The following GLG1 variants were observed in gnomAD, a reference collection of about 807,000 sequenced individuals.
The protein encoded by GLG1 is Golgi apparatus protein 1.
GLG1 carries 38 observed loss-of-function variants against 160.5 expected under a neutral mutation model. That is an observed-to-expected ratio of 0.24 (90% CI 0.18 to 0.31). GLG1 has a LOEUF of 0.31. Among genes scored for constraint, GLG1 ranks in the 10% least tolerant of loss-of-function variants. GLG1 has a pLI of 1.00. For synonymous variants in GLG1, 644 were observed against 543.4 expected, an observed-to-expected ratio of 1.19 and a Z score of -2.57; for missense variants, 1,373 against 1,505.2, an observed-to-expected ratio of 0.91 and a Z score of 1.45.
chr16:74,592,990 G>A (rs950722650), intron 1 of GLG1, among the ~76,000 whole-genome samples: 1 of 152,090 alleles, frequency 6.6e-6, no homozygotes, highest in African/African-American at 2.4e-5. Flanking sequence ...GTGGGGTTCT[G>A]ATAAAAGGAT....
intron 1 of GLG1, among the ~76,000 whole-genome samples, chr16:74,567,805 T>C (rs1165276253): frequency 6.6e-6 from 1 of 151,408 alleles, no homozygotes; most frequent in East Asian, 1.9e-4. Context: ...CCTGACCTCA[T>C]GATCCACCCG....
rs921452627 is a variant in GLG1, at chr16:74,452,739, C to CATA, written c.*425_*427dup. ...TTGTTTTACACAGTCATATGAAAGACATAACCCCATTGCCCAAATCAAGCC... is the reference window on the plus strand; with the variant it reads ...TTGTTTTACACAGTCATATGAAAGACATAATAACCCCATTGCCCAAATCAAGCC... On this transcript the variant is annotated 3_prime_UTR_variant, in exon 26 of 26. Transcript: ENST00000422840. 3.4e-5 allele frequency: 34 copies of CATA among 992,962 alleles called. No homozygotes were observed. The African/African-American group carries it at 5.7e-4, about 17-fold the overall frequency. 61.5% of individuals were successfully genotyped at this position (992,962 alleles called of 1,614,324 possible).
chr16:74,523,875 G>T (rs1202182809), intron 2 of GLG1, among the ~76,000 whole-genome samples: 1 of 151,974 alleles, frequency 6.6e-6, no homozygotes, highest in East Asian at 1.9e-4. Flanking sequence ...TACCTCATCT[G>T]TAAATAATGA....
At chr16:74,460,733 G>A (rs1002829994) in intron 22 of GLG1, among the ~76,000 whole-genome samples, 5 of 152,206 alleles carry the variant, frequency 3.3e-5, no homozygotes, top group African/African-American at 1.2e-4. Flanking sequence ...CACACAGAGT[G>A]GAAAATCAAT....
At chr16:74,549,013 A>G (rs1597336048) in intron 1 of GLG1, among the ~76,000 whole-genome samples, 2 of 152,138 alleles carry the variant, frequency 1.3e-5, no homozygotes, top group East Asian at 3.9e-4. Context: ...TAATAGTAAT[A>G]CCAAACAACA....
chr16:74,599,631 G>A (rs373785148), intron 1 of GLG1, among the ~76,000 whole-genome samples: 55 of 152,282 alleles, frequency 3.6e-4, no homozygotes, highest in African/African-American at 9.6e-4. Flanking sequence ...TTCGGAGGCC[G>A]AGGTGGGCAG....
chr16:74,456,975 T>A (rs892168585), intron 24 of GLG1, among the ~76,000 whole-genome samples: 13 of 152,178 alleles, frequency 8.5e-5, no homozygotes, highest in African/African-American at 3.1e-4. Flanking sequence ...AAAACCTCCT[T>A]ATTTTTAGAG....
At chr16:74,547,533 G>C (rs1190468068) in intron 1 of GLG1, among the ~76,000 whole-genome samples, 1 of 152,212 alleles carries the variant, frequency 6.6e-6, no homozygotes, top group African/African-American at 2.4e-5. Flanking sequence ...ACAACTCACA[G>C]GGTAAGACTA....
chr16:74,477,872 C>G (rs971700484), intron 11 of GLG1, among the ~76,000 whole-genome samples: 7 of 151,804 alleles, frequency 4.6e-5, no homozygotes, highest in African/African-American at 1.7e-4. Flanking sequence ...ACTCGGGAGG[C>G]TGAGGCAGAA....
At chr16:74,584,570 A>T (rs1364243061) in intron 1 of GLG1, among the ~76,000 whole-genome samples, 2 of 152,110 alleles carry the variant, frequency 1.3e-5, no homozygotes, top group South Asian at 4.1e-4. Flanking sequence ...AGAATGATAT[A>T]ATGAACTCTG....
intron 1 of GLG1, among the ~76,000 whole-genome samples, chr16:74,542,625 T>C (rs968379782): frequency 6.8e-6 from 1 of 147,080 alleles, no homozygotes; most frequent in Non-Finnish European, 1.5e-5. Context: ...TGAGCCGAGA[T>C]TGCATCATTG....
intron 4 of GLG1, among the ~76,000 whole-genome samples, chr16:74,498,448 G>GTATATATATATATA (rs61033032): frequency 0.092 from 2,215 of 24,004 alleles, 451 homozygotes; most frequent in Non-Finnish European, 0.13. Flanking sequence ...AAAAAAAAAA[G>GTATATATATATATA]TATATATATA....
intron 22 of GLG1, among the ~76,000 whole-genome samples, chr16:74,460,827 A>C (rs2014761642): frequency 6.6e-6 from 1 of 152,214 alleles, no homozygotes; most frequent in Non-Finnish European, 1.5e-5. Flanking sequence ...ACTTGATTCC[A>C]CAGGAGCAAG....
intron 4 of GLG1, among the ~76,000 whole-genome samples, chr16:74,499,285 G>A (rs1302068954): frequency 6.6e-6 from 1 of 152,062 alleles, no homozygotes; most frequent in Non-Finnish European, 1.5e-5. Context: ...CTGTTGCCCA[G>A]GCTGGAGTGC....
chr16:74,565,591 A>G (rs942082506), intron 1 of GLG1, among the ~76,000 whole-genome samples: 6 of 152,250 alleles, frequency 3.9e-5, no homozygotes, highest in Non-Finnish European at 8.8e-5. Context: ...CCAAAGGCCC[A>G]GCTGTAACCA....
intron 2 of GLG1, among the ~76,000 whole-genome samples, chr16:74,515,950 G>A (rs1328661572): frequency 6.6e-6 from 1 of 151,096 alleles, no homozygotes; most frequent in East Asian, 1.9e-4. Context: ...GATCAAAAGA[G>A]ACAAAGAAAG....
intron 23 of GLG1, chr16:74,458,381 A>G (rs781375047): frequency 7.3e-5 from 12 of 164,184 alleles, no homozygotes; most frequent in Admixed American, 1.8e-4. Context: ...AATCAGAGTA[A>G]TATGCTATAT....
chr16:74,588,115 G>A (rs1409881433), intron 1 of GLG1, among the ~76,000 whole-genome samples: 3 of 150,900 alleles, frequency 2.0e-5, no homozygotes, highest in African/African-American at 7.3e-5. Context: ...GTTGGTGGGG[G>A]GATTAAAAAC....
Position 74,474,582 on chromosome 16 carries a change from T to A in GLG1, c.2016A>T (p.Arg672Ser). Reference protein sequence around the residue: ...DHLDDLVVECRDIVGNLTELE... With the variant: ...DHLDDLVVECSDIVGNLTELE... ...ACTCAGTGAGGTTGCCAACTATATCTCTACACTCCACCACCAAGTCATCCA... is the reference window on the plus strand; with the variant it reads ...ACTCAGTGAGGTTGCCAACTATATCACTACACTCCACCACCAAGTCATCCA... Residue 672 changes from arginine to serine, a missense_variant, in exon 13 of 26, where the codon AGA becomes AGT. Arg to Ser is a moderately radical substitution (Grantham distance 110). Coordinates refer to ENST00000422840, the MANE Select transcript of GLG1 (RefSeq NM_001145667.2). 6.3e-7 allele frequency: 1 copy of A among 1,586,294 alleles called. No individual in the cohort carries two copies. The highest frequency in any genetic ancestry group is 8.7e-7 in the Non-Finnish European group (1 of 1,154,662).
Sources: allele counts gnomAD v4.1 joint callset (sites outside exome capture counted in the v4.1 genomes callset), GRCh38; gene constraint gnomAD v4.1.1; transcripts MANE v1.5; gene names NCBI Gene and HGNC (gene_info 2026-07-23, HGNC 2026-07-21).